The following FAH variants were observed in gnomAD, a reference collection of about 807,000 sequenced individuals.
The protein encoded by FAH is fumarylacetoacetase.
In FAH, 47 loss-of-function variants were observed where a neutral mutation model predicts 55.8. The ratio of observed to expected loss-of-function variants is 0.84; its 90% CI spans 0.67 to 1.07. The LOEUF (loss-of-function observed/expected upper bound fraction) is 1.07, where lower values mean the gene tolerates loss of function less well. Ranked by LOEUF, FAH falls within the 50% of genes least tolerant of loss-of-function variation. The pLI, the probability that FAH is intolerant of heterozygous loss-of-function variation, is 0.00. For synonymous variants in FAH, 199 were observed against 207.7 expected, an observed-to-expected ratio of 0.96 and a Z score of 0.36; for missense variants, 495 against 545.9, an observed-to-expected ratio of 0.91 and a Z score of 0.93.
chr15:80,162,176 G>A lies in FAH; in HGVS notation c.365-70G>A. ...TTGTGTGCACACTCGTGGCTCCAGT[G>A]CTTGGAACAGTCCATTCTTCCTGAG... On this transcript the variant is annotated intron_variant, in intron 4 of 13. Coordinates refer to ENST00000561421, the MANE Select transcript of FAH (RefSeq NM_000137.4). 4.1e-6 allele frequency: 5 copies of A among 1,214,892 alleles called. No homozygotes were observed. The South Asian group carries it at 4.8e-5, about 12-fold the overall frequency. 75.3% of individuals were successfully genotyped at this position (1,214,892 alleles called of 1,614,324 possible). A position where few individuals can be genotyped will look rare whatever the true frequency, so the allele number is the denominator to read the frequency against.
At chr15:80,162,166 T>C in intron 4 of FAH, 80 bp from the exon 5 acceptor site, 2 of 1,051,418 alleles carry the variant, frequency 1.9e-6, no homozygotes, top group Non-Finnish European at 3.0e-6. Flanking sequence ...TGCACACTCG[T>C]GGCTCCAGTG....
intron 13 of FAH, among the ~76,000 whole-genome samples, chr15:80,185,399 G>A (rs539034819): frequency 1.3e-5 from 2 of 152,330 alleles, no homozygotes; most frequent in African/African-American, 4.8e-5. Flanking sequence ...AGGTTACAGA[G>A]CCAATAAGTA....
intron 8 of FAH, among the ~76,000 whole-genome samples, chr15:80,172,557 G>A (rs1356922342): frequency 6.6e-6 from 1 of 152,164 alleles, no homozygotes; most frequent in Admixed American, 6.5e-5. Flanking sequence ...ATCCCTACAC[G>A]GTATGTGCAA....
chr15:80,156,683 G>A (rs765560031), intron 1 of FAH: 4 of 152,226 alleles, frequency 2.6e-5, no homozygotes, highest in African/African-American at 9.6e-5. Flanking sequence ...TGATAAGATG[G>A]TGAATGAGGG....
chr15:80,161,836 G>A (rs528756502), intron 4 of FAH, among the ~76,000 whole-genome samples: 196 of 152,286 alleles, frequency 1.3e-3, no homozygotes, highest in African/African-American at 4.6e-3. Flanking sequence ...AGGGAGGAGC[G>A]GGCCTCAAAG....
Position 80,159,833 on chromosome 15 carries a change from T to C in FAH, c.270T>C (p.Ser90=), listed in dbSNP as rs1353456033. 6 of 1,614,148 alleles carry C rather than the reference T, an allele frequency of 3.7e-6. No homozygotes were observed. The Admixed American group carries it at 6.7e-5, about 18-fold the overall frequency. The change falls in exon 3 of 14, where the codon TCT becomes TCC. Residue 90 remains serine, a synonymous_variant. Coordinates refer to ENST00000561421, the MANE Select transcript of FAH (RefSeq NM_000137.4). ...EARVFLQNLL[S]VSQARLRDDT... The stretch of plus-strand genomic sequence containing the variant: ...GAGTGTTCTTGCAGAACTTGCTGTC[T>C]GTGAGCCAAGCCAGGCTCAGAGATG...
Position 80,158,157 on chromosome 15 carries a change from A to G in FAH, c.179A>G (p.Asp60Gly). 1 of 1,612,276 alleles carries G rather than the reference A, an allele frequency of 6.2e-7. No individual in the cohort carries two copies. Among genetic ancestry groups the G allele is most frequent in the Non-Finnish European group, 8.5e-7 (1 of 1,178,268 alleles). The change falls in exon 2 of 14, where the codon GAT becomes GGT. Residue 60 changes from aspartate (D) to glycine (G), a missense_variant. Transcript: ENST00000561421. The part of the protein sequence containing the change: ...FTGPVLSKHQ[D>G]VFNQPTLNSF... ...GGTCCTGTCCTCTCCAAACACCAGGATGTCTTCAATCAGGTAGGACATTGT... is the reference window on the plus strand; with the variant it reads ...GGTCCTGTCCTCTCCAAACACCAGGGTGTCTTCAATCAGGTAGGACATTGT...
intron 7 of FAH, among the ~76,000 whole-genome samples, chr15:80,169,931 C>T (rs1301910412): frequency 1.3e-5 from 2 of 152,244 alleles, no homozygotes; most frequent in Non-Finnish European, 2.9e-5. Flanking sequence ...ATACCCTTCA[C>T]ACAGTCTCCC....
chr15:80,156,569 A>G (rs1004030303), intron 1 of FAH: 4 of 152,180 alleles, frequency 2.6e-5, no homozygotes, highest in Middle Eastern at 3.2e-3. Context: ...AAACAAAGGC[A>G]ATGCACATTC....
At chr15:80,173,188 G>C in intron 9 of FAH, 44 bp downstream of exon 9, 1 of 1,613,882 alleles carries the variant, frequency 6.2e-7, no homozygotes, top group Non-Finnish European at 8.5e-7. Context: ...CAGCCCTGCT[G>C]CCTCTGAGGC....
chr15:80,176,984 G>A (rs564767819), intron 10 of FAH, among the ~76,000 whole-genome samples: 86 of 152,342 alleles, frequency 5.6e-4, no homozygotes, highest in Middle Eastern at 6.8e-3. Flanking sequence ...TTTTGAGGGA[G>A]CAGAGGAGCT....
chr15:80,179,743 A>G (rs1186550809), intron 11 of FAH, among the ~76,000 whole-genome samples: 2 of 152,158 alleles, frequency 1.3e-5, no homozygotes, highest in African/African-American at 2.4e-5. Context: ...GATTCTCCCA[A>G]TACGGGACTG....
At chr15:80,181,374 A>G (rs761949912) in intron 13 of FAH, among the ~76,000 whole-genome samples, 5 of 152,174 alleles carry the variant, frequency 3.3e-5, no homozygotes, top group Non-Finnish European at 7.3e-5. Context: ...GACTGTAGAC[A>G]TTCTGCTTGG....
intron 9 of FAH, 63 bp downstream of exon 9, chr15:80,173,207 C>T (rs748802314): frequency 2.2e-5 from 35 of 1,608,614 alleles, no homozygotes; most frequent in Non-Finnish European, 3.0e-5. Flanking sequence ...GCTGCTTGCC[C>T]ACTGAGTGGA....
intron 7 of FAH, among the ~76,000 whole-genome samples, chr15:80,170,508 T>A (rs1286460588): frequency 6.6e-6 from 1 of 152,262 alleles, no homozygotes; most frequent in Non-Finnish European, 1.5e-5. Context: ...GGGCATTCCC[T>A]GCCAGCCCTC....
chr15:80,186,889 G>GTAAAT (rs2041375772), downstream of FAH: 12 of 157,554 alleles, frequency 7.6e-5, no homozygotes, highest in South Asian at 2.0e-3. Context: ...AATAGCATTT[G>GTAAAT]AGCAAATATT....
Position 80,171,211 on chromosome 15 carries a change from A to C in FAH, c.607-938A>C, listed in dbSNP as rs536403330. Among the ~76,000 whole-genome samples the C allele has an allele frequency of 3.3e-5, 5 of 152,154 alleles. No individual in the cohort carries two copies. The East Asian group carries it at 9.6e-4, about 29-fold the overall frequency. On this transcript the variant is annotated intron_variant, in intron 7 of 13. Transcript: ENST00000561421. The stretch of plus-strand genomic sequence containing the variant: ...TGCACCCATTAAGTCGTCATTTAGC[A>C]TTAGGTATATCTCCTAATGCTATCC...
At chr15:80,152,844 AG>A, upstream of FAH, 2 of 370,504 alleles carry the variant, frequency 5.4e-6, no homozygotes, top group Non-Finnish European at 9.2e-6. Flanking sequence ...GGGTCAGGGT[AG>A]GGGGGAGGGG....
chr15:80,175,960 C>A (rs891978892), intron 10 of FAH, among the ~76,000 whole-genome samples: 6 of 152,216 alleles, frequency 3.9e-5, no homozygotes, highest in Non-Finnish European at 7.3e-5. Flanking sequence ...GACCTCCTAG[C>A]CACACTCTGG....
Sources: allele counts gnomAD v4.1 joint callset (sites outside exome capture counted in the v4.1 genomes callset), GRCh38; gene constraint gnomAD v4.1.1; transcripts MANE v1.5; gene names NCBI Gene and HGNC (gene_info 2026-07-23, HGNC 2026-07-21).